Variants in PTPRN2 observed in about 807,000 individuals in gnomAD.
PTPRN2 encodes the protein protein tyrosine phosphatase receptor type N2.
Under a neutral mutation model 118.8 loss-of-function variants are expected in PTPRN2, and 74 were observed. That is an observed-to-expected ratio of 0.62 (90% confidence interval 0.52 to 0.76). PTPRN2 has a LOEUF of 0.76. Ranked by LOEUF, PTPRN2 falls within the 30% of genes least tolerant of loss-of-function variation. The pLI is 0.00. For synonymous variants in PTPRN2, 641 were observed against 608.0 expected, an observed-to-expected ratio of 1.05 and a Z score of -0.80; for missense variants, 1,481 against 1,394.4, an observed-to-expected ratio of 1.06 and a Z score of -0.99.
chr7:158,398,859 G>A lies in PTPRN2; in HGVS notation c.164-81927C>T, dbSNP rs758178630. Among the ~76,000 whole-genome samples the A allele has an allele frequency of 2.0e-4, 30 of 152,278 alleles. 1 individual carries two copies. The highest frequency in any genetic ancestry group is 8.3e-4 in the South Asian group (4 of 4,822). On this transcript the variant is annotated intron_variant, in intron 2 of 22. Transcript: ENST00000389418. ...TTCCAAGCTTACTTTCTCTTTCCCAGTTTAGTTACATTACAATTTTCATCA... is the reference window on the plus strand; with the variant it reads ...TTCCAAGCTTACTTTCTCTTTCCCAATTTAGTTACATTACAATTTTCATCA...
In PTPRN2 at chr7:157,794,246, G is replaced by A. The variant is rs546157837; in HGVS notation, c.1788+104427C>T. Among the ~76,000 whole-genome samples the A allele has an allele frequency of 2.7e-5, 4 of 147,664 alleles. No individual in the cohort carries two copies. Among genetic ancestry groups the A allele is most frequent in the East Asian group, 3.9e-4 (2 of 5,092 alleles). On this transcript the variant is annotated intron_variant, in intron 12 of 22. Coordinates refer to ENST00000389418, the MANE Select transcript of PTPRN2 (RefSeq NM_002847.5). This position sits in a 1 kb window ranked among gnomAD's most constrained non-coding sequence, Gnocchi z 5.2. ...CTCCCCTCGTTCTCTGCTCCGACCCGGGCTCACACCTCCCCTCGTTCTCTG... is the reference window on the plus strand; with the variant it reads ...CTCCCCTCGTTCTCTGCTCCGACCCAGGCTCACACCTCCCCTCGTTCTCTG...
intron 5 of PTPRN2, among the ~76,000 whole-genome samples, chr7:158,190,217 G>T (rs1825653280): frequency 6.6e-6 from 1 of 152,186 alleles, no homozygotes; most frequent in South Asian, 2.1e-4. Context: ...AGGACTCGAG[G>T]CACAGAAGCT....
intron 2 of PTPRN2, among the ~76,000 whole-genome samples, chr7:158,475,464 C>G (rs1022275299): frequency 6.6e-6 from 1 of 152,112 alleles, no homozygotes; most frequent in African/African-American, 2.4e-5. Context: ...ACGCTTCGCC[C>G]CTGCTTAACA....
intron 3 of PTPRN2, among the ~76,000 whole-genome samples, chr7:158,283,917 G>A (rs577568688): frequency 6.6e-6 from 1 of 152,304 alleles, no homozygotes; most frequent in African/African-American, 2.4e-5. Context: ...CCCAAAGGCA[G>A]CCAGCGTAGG....
intron 3 of PTPRN2, among the ~76,000 whole-genome samples, chr7:158,294,426 T>C (rs1028592352): frequency 5.3e-5 from 8 of 152,136 alleles, no homozygotes; most frequent in Admixed American, 5.2e-4. Flanking sequence ...TTTTTGTAAG[T>C]TTTTCATGTA....
At chr7:157,693,559 C>T (rs942235270) in intron 12 of PTPRN2, among the ~76,000 whole-genome samples, 1 of 152,100 alleles carries the variant, frequency 6.6e-6, no homozygotes, top group African/African-American at 2.4e-5. Flanking sequence ...GTCTTCCCAG[C>T]GACCCGGAGC....
intron 3 of PTPRN2, among the ~76,000 whole-genome samples, chr7:158,261,086 A>C (rs1038387382): frequency 6.6e-6 from 1 of 152,154 alleles, no homozygotes; most frequent in Non-Finnish European, 1.5e-5. Flanking sequence ...GGGGGGCGTG[A>C]GGCTCCGACT....
chr7:157,912,783 C>A (rs965969730), intron 11 of PTPRN2, among the ~76,000 whole-genome samples: 1 of 152,144 alleles, frequency 6.6e-6, no homozygotes, highest in African/African-American at 2.4e-5. Context: ...GTAATGTCAA[C>A]CCTGTTATCA....
In PTPRN2 at chr7:158,565,115, C is replaced by A. The variant is rs971991473; in HGVS notation, c.112+22443G>T. Among the ~76,000 whole-genome samples the A allele has an allele frequency of 2.6e-5, 4 of 152,170 alleles. No homozygotes were observed. The highest frequency in any genetic ancestry group is 1.3e-4 in the Admixed American group (2 of 15,284). On this transcript the variant is annotated intron_variant, in intron 1 of 22. Coordinates refer to ENST00000389418, the MANE Select transcript of PTPRN2 (RefSeq NM_002847.5). The surrounding 1 kb of genome is among the most constrained non-coding windows in gnomAD (Gnocchi z 4.6). ...GAAGGCAAGGATGAAACAAACAAGG[C>A]ATGGAGGCTTCTGCTCTATAAAACT...
chr7:157,990,518 G>T lies in PTPRN2; in HGVS notation c.1723+90780C>A, dbSNP rs1480929415. On this transcript the variant is annotated intron_variant, in intron 11 of 22. Transcript: ENST00000389418. This position sits in a 1 kb window ranked among gnomAD's most constrained non-coding sequence, Gnocchi z 4.3. ...CATGCCACCATGCCCAACGGTCCCCGCCCTGCACCCACCTCTGGCAAGTTC... is the reference window on the plus strand; with the variant it reads ...CATGCCACCATGCCCAACGGTCCCCTCCCTGCACCCACCTCTGGCAAGTTC... Among the ~76,000 whole-genome samples, 1 of 143,274 alleles carries T rather than the reference G, an allele frequency of 7.0e-6. No homozygotes were observed. 94.0% of individuals were successfully genotyped at this position (143,274 alleles called of 152,430 possible).
At chr7:158,450,521 C>T (rs1424539407) in intron 2 of PTPRN2, among the ~76,000 whole-genome samples, 1 of 152,200 alleles carries the variant, frequency 6.6e-6, no homozygotes, top group African/African-American at 2.4e-5. Flanking sequence ...CCGCCAGCAG[C>T]TGGAACCCCC....
intron 3 of PTPRN2, among the ~76,000 whole-genome samples, chr7:158,306,545 C>A (rs1801299543): frequency 6.6e-6 from 1 of 152,012 alleles, no homozygotes; most frequent in Non-Finnish European, 1.5e-5. Flanking sequence ...GACCACTAAC[C>A]AAACTGAGCA....
In PTPRN2 at chr7:158,476,766, A is replaced by T. The variant is rs868669605; in HGVS notation, c.163+12969T>A. Among the ~76,000 whole-genome samples, 26 of 152,364 alleles carry T rather than the reference A, an allele frequency of 1.7e-4. No individual in the cohort carries two copies. The Middle Eastern group carries it at 0.014, about 80-fold the overall frequency. ...TATAAATACGCCCAAGTAAGAAGAG[A>T]CGCGAGAACGTCAATCTGGTTCTGT... On this transcript the variant is annotated intron_variant, in intron 2 of 22. Coordinates refer to ENST00000389418, the MANE Select transcript of PTPRN2 (RefSeq NM_002847.5).
intron 12 of PTPRN2, among the ~76,000 whole-genome samples, chr7:157,747,599 G>T (rs554624995): frequency 8.7e-6 from 1 of 114,480 alleles, no homozygotes; most frequent in African/African-American, 3.4e-5. Context: ...TGGGGTGTCC[G>T]GGTGATTCTG....
chr7:158,419,370 G>A (rs5009492), intron 2 of PTPRN2, among the ~76,000 whole-genome samples: 279 of 18,144 alleles, frequency 0.015, 1 homozygote, highest in African/African-American at 0.049. Flanking sequence ...CAAGAATTCC[G>A]TCACTGCAAG....
chr7:157,923,918 C>T (rs939815731), intron 11 of PTPRN2, among the ~76,000 whole-genome samples: 1 of 152,298 alleles, frequency 6.6e-6, no homozygotes, highest in Non-Finnish European at 1.5e-5. Flanking sequence ...TTTAAAAAAG[C>T]AACCTGTCCT....
chr7:157,847,463 C>A (rs1808925705), intron 12 of PTPRN2, among the ~76,000 whole-genome samples: 1 of 149,186 alleles, frequency 6.7e-6, no homozygotes, highest in Admixed American at 6.6e-5. Context: ...CTCTCTCACT[C>A]CATCATGCGT....
In PTPRN2 at chr7:157,982,486, G is replaced by C. The variant is rs74220321; in HGVS notation, c.1724-83749C>G. ...AACCCTGAGTCATAGAGATGAGGAG[G>C]GGAATGCAGAGTGCAGGGTCCCCCC... On this transcript the variant is annotated intron_variant, in intron 11 of 22. Transcript: ENST00000389418. 4.2e-5 allele frequency among the ~76,000 whole-genome samples: 6 copies of C among 143,498 alleles called. No homozygotes were observed. The East Asian group carries it at 1.3e-3, about 31-fold the overall frequency. 94.1% of individuals were successfully genotyped at this position (143,498 alleles called of 152,430 possible).
chr7:158,293,612 G>A (rs757137986), intron 3 of PTPRN2, among the ~76,000 whole-genome samples: 25 of 152,014 alleles, frequency 1.6e-4, no homozygotes, highest in Non-Finnish European at 3.4e-4. Flanking sequence ...CTTTATAAAT[G>A]TTTTAACTAC....
Sources: gnomAD v4.1 joint callset for allele counts (sites outside exome capture counted in the v4.1 genomes callset) on GRCh38, gnomAD v4.1.1 for gene constraint, Gnocchi (gnomAD v3.1) non-coding constraint, MANE v1.5 for transcripts, NCBI Gene and HGNC (gene_info 2026-07-23, HGNC 2026-07-21) for gene names.